Variants in TOP2B observed in about 807,000 individuals in gnomAD.
TOP2B encodes DNA topoisomerase 2-beta.
In TOP2B, 51 loss-of-function variants were observed where a neutral mutation model predicts 193.5. The observed-to-expected ratio is 0.26, with a 90% CI of 0.21 to 0.33. The LOEUF (loss-of-function observed/expected upper bound fraction) is 0.33. Among genes scored for constraint, TOP2B ranks in the 10% least tolerant of loss-of-function variants. The probability of loss-of-function intolerance (pLI) is 1.00; values close to 1 mark genes in which losing one functional copy is unlikely to be tolerated. For synonymous variants in TOP2B, 634 were observed against 635.7 expected (o/e 1.00, Z 0.04); for missense variants, 1,378 against 1,909.3 (o/e 0.72, Z 5.19).
At chr3:25,615,366 A>T in intron 26 of TOP2B, 65 bp downstream of exon 26, 1 of 1,542,092 alleles carries the variant, frequency 6.5e-7, no homozygotes. Flanking sequence ...TTATTTTTGG[A>T]AAAAGAAAAA....
In TOP2B at chr3:25,626,870, A is replaced by G; in HGVS notation, c.2017-6T>C. On this transcript the variant is annotated splice_region_variant and splice_polypyrimidine_tract_variant and intron_variant, in intron 16 of 35. Coordinates refer to ENST00000264331, the MANE Select transcript of TOP2B (RefSeq NM_001330700.2). ...ATCTTCTTCTTACTAAATGCCTGAA[A>G]GATTCCAGGTAACGATTTTGCACAT... 2 of 1,550,608 alleles carry G rather than the reference A, an allele frequency of 1.3e-6. No homozygotes were observed. Among genetic ancestry groups the G allele is most frequent in the Non-Finnish European group, 8.8e-7 (1 of 1,136,688 alleles).
In TOP2B at chr3:25,664,438, A is replaced by G. The variant is rs1375584284; in HGVS notation, c.-141T>C. On this transcript the variant is annotated 5_prime_UTR_variant, in exon 1 of 36. Transcript: ENST00000264331. The stretch of plus-strand genomic sequence containing the variant: ...CGCCGACCCCCGCGCCCCATCGCGA[A>G]GATCCGGAGCGGACGTCCAGCCGAG... 1 of 1,257,966 alleles carries G rather than the reference A, an allele frequency of 7.9e-7. No individual in the cohort carries two copies. Among genetic ancestry groups the G allele is most frequent in the Admixed American group, 4.4e-5 (1 of 22,886 alleles). 77.9% of individuals were successfully genotyped at this position (1,257,966 alleles called of 1,614,324 possible).
chr3:25,640,752 C>CTTT (rs372465937), intron 4 of TOP2B, among the ~76,000 whole-genome samples: 100 of 106,964 alleles, frequency 9.3e-4, no homozygotes, highest in African/African-American at 1.2e-3. Flanking sequence ...TCTTCGTTGT[C>CTTT]TTTTTTTTTT....
At position 25,598,353 on chromosome 3, in the gene TOP2B, T is replaced by C. The variant is rs951523057; in HGVS notation, c.4835A>G (p.Glu1612Gly). ...AACATCATCTTCTTCTTCATCAGACTCTGCAAAATATTTTACTTCTTTCCT... is the reference window on the plus strand; with the variant it reads ...AACATCATCTTCTTCTTCATCAGACCCTGCAAAATATTTTACTTCTTTCCT... Reference protein sequence around the residue: ...RARKEVKYFAESDEEEDDVDF... With the variant: ...RARKEVKYFAGSDEEEDDVDF... The change falls in exon 36 of 36, where the codon GAG (glutamate) becomes GGG (glycine). Residue 1612 changes from glutamate to glycine, a missense_variant. Around this residue, in one of 9 missense-constraint regions of TOP2B, gnomAD observed 556 missense variants for 584.2 expected, o/e 0.95. Coordinates refer to ENST00000264331, the MANE Select transcript of TOP2B (RefSeq NM_001330700.2). The C allele has an allele frequency of 6.2e-7, 1 of 1,612,886 alleles. No individual in the cohort carries two copies. Among genetic ancestry groups the C allele is most frequent in the South Asian group, 1.1e-5 (1 of 90,812 alleles).
intron 4 of TOP2B, among the ~76,000 whole-genome samples, chr3:25,641,497 A>T (rs1294680641): frequency 6.6e-6 from 1 of 151,526 alleles, no homozygotes; most frequent in East Asian, 1.9e-4. Flanking sequence ...TCAAGAATGC[A>T]TTCATTATAG....
At position 25,632,435 on chromosome 3, in the gene TOP2B, GT is replaced by G; in HGVS notation, c.1266+10del. 6.5e-7 allele frequency: 1 copy of G among 1,541,240 alleles called. No individual in the cohort carries two copies. ...AATAACAACAATAAAAAAAATACAAGTTTTACTCACTGCTTTAAAAAATTTT... is the reference window on the plus strand; with the variant it reads ...AATAACAACAATAAAAAAAATACAAGTTTACTCACTGCTTTAAAAAATTTT... On this transcript the variant is annotated intron_variant, in intron 10 of 35. Transcript: ENST00000264331.
intron 1 of TOP2B, among the ~76,000 whole-genome samples, chr3:25,662,400 C>T (rs1201080145): frequency 6.6e-6 from 1 of 152,132 alleles, no homozygotes; most frequent in Admixed American, 6.5e-5. Flanking sequence ...TAAGCATCAA[C>T]TCTTAAAGAA....
At chr3:25,610,587 C>A (rs574769297) in intron 28 of TOP2B, among the ~76,000 whole-genome samples, 2 of 152,276 alleles carry the variant, frequency 1.3e-5, no homozygotes, top group East Asian at 3.9e-4. Context: ...TCTGCTAGAA[C>A]TCAAGGAAAA....
At chr3:25,651,139 C>G (rs887197547) in intron 1 of TOP2B, among the ~76,000 whole-genome samples, 1 of 152,060 alleles carries the variant, frequency 6.6e-6, no homozygotes, top group African/African-American at 2.4e-5. Flanking sequence ...AATATGGCAT[C>G]TTCTAGTATT....
chr3:25,604,261 A>C (rs1052392901), intron 33 of TOP2B, among the ~76,000 whole-genome samples: 4 of 152,178 alleles, frequency 2.6e-5, no homozygotes, highest in Non-Finnish European at 5.9e-5. Flanking sequence ...ACCTCTTTCA[A>C]AAAGACCACG....
At chr3:25,647,445 T>C (rs1334216013) in intron 1 of TOP2B, among the ~76,000 whole-genome samples, 1 of 152,130 alleles carries the variant, frequency 6.6e-6, no homozygotes, top group African/African-American at 2.4e-5. Context: ...ATTATTGACA[T>C]AAAGGTTGAA....
intron 18 of TOP2B, among the ~76,000 whole-genome samples, chr3:25,625,322 A>AT (rs368244780): frequency 6.6e-6 from 1 of 152,340 alleles, no homozygotes; most frequent in East Asian, 1.9e-4. Context: ...GACTAAGCAA[A>AT]TAACTAGTAA....
intron 22 of TOP2B, 139 bp from the exon 23 acceptor site, chr3:25,620,201 A>C: frequency 1.6e-6 from 1 of 626,532 alleles, no homozygotes. Context: ...CTCCTATCCA[A>C]TCAGTATAGA....
At chr3:25,628,069 T>TAA (rs11444500) in intron 15 of TOP2B, among the ~76,000 whole-genome samples, 47 of 131,092 alleles carry the variant, frequency 3.6e-4, no homozygotes, top group African/African-American at 1.2e-3. Flanking sequence ...TAAAAACAAT[T>TAA]AAAAAAAAAC....
intron 21 of TOP2B, among the ~76,000 whole-genome samples, chr3:25,621,924 G>A (rs1702668176): frequency 6.6e-6 from 1 of 151,930 alleles, no homozygotes; most frequent in South Asian, 2.1e-4. Context: ...GGGAGACAGA[G>A]GTTGCAGTGA....
chr3:25,612,267 G>T (rs1702390719), intron 28 of TOP2B, among the ~76,000 whole-genome samples: 1 of 152,094 alleles, frequency 6.6e-6, no homozygotes, highest in African/African-American at 2.4e-5. Context: ...AACTTAGAAG[G>T]CAGCTGAGTG....
At position 25,638,326 on chromosome 3, in the gene TOP2B, A is replaced by C. The variant is rs1193358985; in HGVS notation, c.396-16T>G. 4.0e-6 allele frequency: 5 copies of C among 1,240,726 alleles called. No individual in the cohort carries two copies. Among genetic ancestry groups the C allele is most frequent in the Non-Finnish European group, 4.1e-6 (4 of 972,388 alleles). 76.9% of individuals were successfully genotyped at this position (1,240,726 alleles called of 1,614,324 possible). A position where few individuals can be genotyped will look rare whatever the true frequency, so the allele number is the denominator to read the frequency against. The stretch of plus-strand genomic sequence containing the variant: ...GTTAGATTCACTGTAAAAAAAAAAA[A>C]AAAAAAAAAAAAAAAAAAAAAAAAA... On this transcript the variant is annotated splice_polypyrimidine_tract_variant and intron_variant, in intron 4 of 35. Coordinates refer to ENST00000264331, the MANE Select transcript of TOP2B (RefSeq NM_001330700.2).
In TOP2B at chr3:25,612,696, T is replaced by C; in HGVS notation, c.3605A>G (p.Gln1202Arg). The stretch of plus-strand genomic sequence containing the variant: ...TCCAGCCAGAACATCTTCTCGTTCT[T>C]GAGATTCCACTTTCTAAAGTATAAT... The part of the protein sequence containing the change: ...FVEELDKVES[Q>R]EREDVLAGMS... Residue 1202 changes from glutamine to arginine, a missense_variant, in exon 28 of 36, where the codon CAA becomes CGA. This residue lies in a region of TOP2B where 556 missense variants were observed against 584.2 expected (regional missense o/e 0.95). Coordinates refer to ENST00000264331, the MANE Select transcript of TOP2B (RefSeq NM_001330700.2). 2 of 1,613,318 alleles carry C rather than the reference T, an allele frequency of 1.2e-6. No individual in the cohort carries two copies. The highest frequency in any genetic ancestry group is 1.7e-6 in the Non-Finnish European group (2 of 1,179,552).
In TOP2B at chr3:25,664,550, A is replaced by G; in HGVS notation, c.-253T>C. On this transcript the variant is annotated 5_prime_UTR_variant, in exon 1 of 36. Coordinates refer to ENST00000264331, the MANE Select transcript of TOP2B (RefSeq NM_001330700.2). ...CGGGCCTAGCGCGGCGGCTGAGGAG[A>G]AAGCAGGGAGCGACCGGCGGCGGCC... is the stretch of plus-strand genomic sequence containing the variant. 1 of 1,112,860 alleles carries G rather than the reference A, an allele frequency of 9.0e-7. No homozygotes were observed. The highest frequency in any genetic ancestry group is 1.1e-6 in the Non-Finnish European group (1 of 912,824). The allele number at this position is 1,112,860 out of a possible 1,614,324, so 68.9% of individuals were successfully genotyped here.
Sources: gnomAD v4.1 joint callset for allele counts (sites outside exome capture counted in the v4.1 genomes callset) on GRCh38, gnomAD v4.1.1 for gene constraint, gnomAD v4.1.1 regional missense constraint, MANE v1.5 for transcripts, NCBI Gene and HGNC (gene_info 2026-07-23, HGNC 2026-07-21) for gene names.